Variants in WDR27 observed in about 807,000 individuals in gnomAD.
WDR27 encodes WD repeat domain 27, also known as WD repeat-containing protein 27.
A neutral mutation model predicts 114.4 loss-of-function variants in WDR27; 100 were observed. That is an observed-to-expected ratio of 0.87 (90% CI 0.74 to 1.03). The LOEUF (loss-of-function observed/expected upper bound fraction) is 1.03, where lower values mean the gene tolerates loss of function less well. WDR27 is among the 50% of genes least tolerant of loss of function. The pLI, the probability that WDR27 is intolerant of heterozygous loss-of-function variation, is 0.00. For missense variants in WDR27, 1,129 were observed against 1,092.9 expected, an observed-to-expected ratio of 1.03 and a Z score of -0.47; for synonymous variants, 449 against 423.1, an observed-to-expected ratio of 1.06 and a Z score of -0.75.
At chr6:169,464,273 T>C (rs1196956448) in intron 25 of WDR27, among the ~76,000 whole-genome samples, 1 of 152,150 alleles carries the variant, frequency 6.6e-6, no homozygotes, top group Non-Finnish European at 1.5e-5. Context: ...TCCAAGACCA[T>C]TCAATGGAGA....
At chr6:169,585,340 A>G (rs1804332776) in intron 23 of WDR27, among the ~76,000 whole-genome samples, 1 of 152,306 alleles carries the variant, frequency 6.6e-6, no homozygotes, top group East Asian at 1.9e-4. Context: ...ATAATCACCT[A>G]AAAGAACTAT....
intron 21 of WDR27, among the ~76,000 whole-genome samples, chr6:169,625,322 A>G (rs1814521421): frequency 6.6e-6 from 1 of 152,190 alleles, no homozygotes; most frequent in African/African-American, 2.4e-5. Flanking sequence ...GAGAGGATTA[A>G]TTCCACGTCA....
intron 9 of WDR27, among the ~76,000 whole-genome samples, chr6:169,661,857 T>TTC (rs1218186723): frequency 4.6e-5 from 7 of 152,260 alleles, no homozygotes; most frequent in African/African-American, 1.7e-4. Flanking sequence ...TAATATATTC[T>TTC]TGAATCACAG....
chr6:169,589,474 C>T (rs1805284390), intron 23 of WDR27, among the ~76,000 whole-genome samples: 1 of 152,278 alleles, frequency 6.6e-6, no homozygotes, highest in Non-Finnish European at 1.5e-5. Context: ...TGCATGAAAC[C>T]TCAAAACACA....
At chr6:169,612,655 C>CAAAAAAAAAA (rs1810861602) in intron 22 of WDR27, among the ~76,000 whole-genome samples, 1 of 103,514 alleles carries the variant, frequency 9.7e-6, no homozygotes. Context: ...AAAAAAAAAG[C>CAAAAAAAAAA]AATGTCTTCT....
At chr6:169,642,211 T>G (rs1229367252) in intron 17 of WDR27, among the ~76,000 whole-genome samples, 1 of 152,156 alleles carries the variant, frequency 6.6e-6, no homozygotes, top group African/African-American at 2.4e-5. Context: ...ACCAGTCATA[T>G]TTTCAACGTT....
intron 22 of WDR27, among the ~76,000 whole-genome samples, chr6:169,606,301 G>C (rs1809174068): frequency 6.6e-6 from 1 of 152,120 alleles, no homozygotes; most frequent in South Asian, 2.1e-4. Context: ...CAAAGGACAT[G>C]AATAGACATT....
Position 169,701,904 on chromosome 6 carries a change from C to A in WDR27, c.-361G>T, listed in dbSNP as rs1391532342. ...GGCGCCGACTCCGCGCCGAGACCAGCCCGCTAGGGGAGGACTCACAGCACC... is the reference window on the plus strand; with the variant it reads ...GGCGCCGACTCCGCGCCGAGACCAGACCGCTAGGGGAGGACTCACAGCACC... On this transcript the variant is annotated 5_prime_UTR_variant, in exon 1 of 26. Transcript: ENST00000448612. The A allele has an allele frequency of 5.9e-6, 2 of 341,790 alleles. No homozygotes were observed. The highest frequency in any genetic ancestry group is 1.8e-4 in the East Asian group (2 of 11,010). 21.2% of individuals were successfully genotyped at this position (341,790 alleles called of 1,614,324 possible). A position where few individuals can be genotyped will look rare whatever the true frequency, so the allele number is the denominator to read the frequency against.
chr6:169,630,122 A>G (rs1815968882), intron 21 of WDR27, among the ~76,000 whole-genome samples: 1 of 152,206 alleles, frequency 6.6e-6, no homozygotes. Flanking sequence ...ACAACTACAT[A>G]ACATCTCAGG....
chr6:169,447,642 T>C, the WDR27 span, among the ~76,000 whole-genome samples: 5 of 152,238 alleles, frequency 3.3e-5, no homozygotes, highest in Non-Finnish European at 5.9e-5. Context: ...TCACACCTCC[T>C]CTGACTTCAT....
chr6:169,455,133 G>T (rs559790692), downstream of WDR27, among the ~76,000 whole-genome samples: 1 of 152,322 alleles, frequency 6.6e-6, no homozygotes, highest in South Asian at 2.1e-4. Context: ...GGAAAGCCTG[G>T]CTCAGTCCTC....
chr6:169,603,348 T>TAA (rs1808432603), intron 22 of WDR27, among the ~76,000 whole-genome samples: 2 of 152,134 alleles, frequency 1.3e-5, no homozygotes, highest in African/African-American at 4.8e-5. Context: ...TCACAATATT[T>TAA]GTCATAAATT....
intron 25 of WDR27, among the ~76,000 whole-genome samples, chr6:169,568,435 T>C (rs1279470052): frequency 6.6e-6 from 1 of 152,090 alleles, no homozygotes; most frequent in Non-Finnish European, 1.5e-5. Flanking sequence ...GAGACAGCCA[T>C]GCCCAGGGAG....
rs1051466943 is a variant in WDR27, at chr6:169,684,131, C to G, written c.189+4686G>C. Reference sequence around the variant, plus strand: ...ATCGGCTGTTGAGACTGGCCCTGCACAACAGAGAAACCAACCCTCGCCACT... The same window carrying G: ...ATCGGCTGTTGAGACTGGCCCTGCAGAACAGAGAAACCAACCCTCGCCACT... On this transcript the variant is annotated intron_variant, in intron 2 of 25. Coordinates refer to ENST00000448612, the MANE Select transcript of WDR27 (RefSeq NM_182552.5). The surrounding 1 kb of genome is among the most constrained non-coding windows in gnomAD (Gnocchi z 4.3). Among the ~76,000 whole-genome samples, 19 of 152,112 alleles carry G rather than the reference C, an allele frequency of 1.2e-4. No homozygotes were observed. Among genetic ancestry groups the G allele is most frequent in the African/African-American group, 3.9e-4 (16 of 41,410 alleles).
Position 169,689,044 on chromosome 6 carries a change from T to C in WDR27, c.-7-32A>G, listed in dbSNP as rs779935095. ...ACAAAAAGTACATATAAGATGACTA[T>C]AGGTATCATATTTAATACAGAAAAA... is the stretch of plus-strand genomic sequence containing the variant. On this transcript the variant is annotated intron_variant, in intron 1 of 25. Transcript: ENST00000448612. 61 of 1,508,202 alleles carry C rather than the reference T, an allele frequency of 4.0e-5. No individual in the cohort carries two copies. The Admixed American group carries it at 8.8e-4, about 22-fold the overall frequency. The allele number at this position is 1,508,202 out of a possible 1,614,324, so 93.4% of individuals were successfully genotyped here.
At chr6:169,523,791 T>A (rs1794662748) in intron 25 of WDR27, among the ~76,000 whole-genome samples, 1 of 152,024 alleles carries the variant, frequency 6.6e-6, no homozygotes, top group African/African-American at 2.4e-5. Flanking sequence ...GGAACATACG[T>A]CAAAATAATA....
At chr6:169,446,020 C>G in the WDR27 span, among the ~76,000 whole-genome samples, 1 of 152,252 alleles carries the variant, frequency 6.6e-6, no homozygotes, top group Non-Finnish European at 1.5e-5. Flanking sequence ...AATGAAAGGG[C>G]TCTGTCACTT....
intron 22 of WDR27, among the ~76,000 whole-genome samples, chr6:169,609,025 A>T (rs1308759869): frequency 6.6e-6 from 1 of 152,208 alleles, no homozygotes; most frequent in Non-Finnish European, 1.5e-5. Context: ...TAAAGCTCCA[A>T]AATGATCTCC....
At chr6:169,599,545 C>A (rs996700133) in intron 23 of WDR27, among the ~76,000 whole-genome samples, 6 of 152,062 alleles carry the variant, frequency 3.9e-5, no homozygotes, top group Non-Finnish European at 5.9e-5. Context: ...AGTTTATTTG[C>A]GTAGAGGTGT....
Sources: allele counts gnomAD v4.1 joint callset (sites outside exome capture counted in the v4.1 genomes callset), GRCh38; gene constraint gnomAD v4.1.1; non-coding constraint Gnocchi (gnomAD v3.1); transcripts MANE v1.5; gene names NCBI Gene and HGNC (gene_info 2026-07-23, HGNC 2026-07-21).